Variants in ATG5 observed in about 807,000 individuals in gnomAD.
ATG5 encodes autophagy related 5.
A neutral mutation model predicts 36.5 loss-of-function variants in ATG5; 14 were observed. That is an observed-to-expected ratio of 0.38 (90% CI 0.25 to 0.60). The LOEUF (loss-of-function observed/expected upper bound fraction) is 0.60, where lower values mean the gene tolerates loss of function less well. ATG5 is among the 20% of genes least tolerant of loss of function. The pLI is 0.60. For synonymous variants in ATG5, 95 were observed against 101.5 expected (o/e 0.94, Z 0.38); for missense variants, 195 against 326.7 (o/e 0.60, Z 3.11).
Position 106,201,980 on chromosome 6 carries a change from T to A in ATG5, c.683A>T (p.Asp228Val), listed in dbSNP as rs1475785020. 2 of 1,607,064 alleles carry A rather than the reference T, an allele frequency of 1.2e-6. No individual in the cohort carries two copies. Among genetic ancestry groups the A allele is most frequent in the Non-Finnish European group, 1.7e-6 (2 of 1,174,604 alleles). ...GTTGCTGATTGTATTACCTTCAGGATCAATAGCAGAAGGACAAACTTCTTT... is the reference window on the plus strand; with the variant it reads ...GTTGCTGATTGTATTACCTTCAGGAACAATAGCAGAAGGACAAACTTCTTT... ...LLKEVCPSAI[D>V]PEDGEKKNQV... Residue 228 changes from aspartate (D) to valine (V), a missense_variant, in exon 7 of 8, where the codon GAT (aspartate) becomes GTT (valine). Physicochemically the swap from Asp to Val is radical, Grantham distance 152 (BLOSUM62 -3). Coordinates refer to ENST00000369076, the MANE Select transcript of ATG5 (RefSeq NM_004849.4).
intron 6 of ATG5, among the ~76,000 whole-genome samples, chr6:106,218,619 T>C (rs1777129826): frequency 7.3e-6 from 1 of 136,858 alleles, no homozygotes; most frequent in Admixed American, 7.1e-5. Context: ...TGTAGATCCT[T>C]TGAAAGCCAC....
In ATG5 at chr6:106,223,516, C is replaced by G. The variant is rs139515344; in HGVS notation, c.574-21427G>C. Among the ~76,000 whole-genome samples, 488 of 152,180 alleles carry G rather than the reference C, an allele frequency of 3.2e-3. 1 individual carries two copies. The highest frequency in any genetic ancestry group is 5.9e-3 in the Admixed American group (90 of 15,286). On this transcript the variant is annotated intron_variant, in intron 6 of 7. Coordinates refer to ENST00000369076, the MANE Select transcript of ATG5 (RefSeq NM_004849.4). ...TCAAAACTTGCTGTGTTGGGCTGCCCCCTACAGGACTCAATTTACCTATTT... is the reference window on the plus strand; with the variant it reads ...TCAAAACTTGCTGTGTTGGGCTGCCGCCTACAGGACTCAATTTACCTATTT...
intron 6 of ATG5, among the ~76,000 whole-genome samples, chr6:106,202,809 G>A (rs1180371894): frequency 1.3e-5 from 2 of 152,142 alleles, no homozygotes; most frequent in Admixed American, 1.3e-4. Context: ...CTACAGGAGT[G>A]CGCCACCATG....
intron 6 of ATG5, among the ~76,000 whole-genome samples, chr6:106,241,634 A>G (rs1362738904): frequency 6.6e-6 from 1 of 152,172 alleles, no homozygotes; most frequent in Non-Finnish European, 1.5e-5. Context: ...TGAGGTTAAC[A>G]TTTAAATTGG....
chr6:106,216,961 TA>T (rs59247747), intron 6 of ATG5, among the ~76,000 whole-genome samples: 22,886 of 147,008 alleles, frequency 0.16, 2,029 homozygotes, highest in Non-Finnish European at 0.2. Flanking sequence ...AAGCTGTTAT[TA>T]AAAAAAAAAA....
chr6:106,197,682 C>T (rs1270792839), intron 7 of ATG5, among the ~76,000 whole-genome samples: 1 of 152,124 alleles, frequency 6.6e-6, no homozygotes, highest in East Asian at 1.9e-4. Context: ...CACCATGTGA[C>T]CACCGCACAC....
chr6:106,258,312 G>T (rs898228349), intron 5 of ATG5, among the ~76,000 whole-genome samples: 2 of 151,984 alleles, frequency 1.3e-5, no homozygotes, highest in Non-Finnish European at 2.9e-5. Context: ...GGTCAAGGCT[G>T]CAGTGAGCCA....
intron 5 of ATG5, among the ~76,000 whole-genome samples, chr6:106,270,562 T>C (rs907296169): frequency 1.3e-5 from 2 of 152,252 alleles, no homozygotes; most frequent in African/African-American, 4.8e-5. Flanking sequence ...GAAGCTAAAA[T>C]TCCTATACTA....
intron 5 of ATG5, among the ~76,000 whole-genome samples, chr6:106,277,809 G>A (rs990764919): frequency 1.2e-4 from 18 of 151,952 alleles, no homozygotes; most frequent in African/African-American, 2.4e-4. Context: ...GTGAAACTTC[G>A]TCTCAACAAA....
At chr6:106,246,290 A>C (rs1438437338) in intron 6 of ATG5, among the ~76,000 whole-genome samples, 1 of 151,742 alleles carries the variant, frequency 6.6e-6, no homozygotes, top group Non-Finnish European at 1.5e-5. Flanking sequence ...AGGTTTTGTC[A>C]AGCAAATTTT....
rs187129104 is a variant in ATG5 at position 106,297,590 on chromosome 6, A to G, written c.237-4484T>C. ...GATGTTGACCATTTTAGATACCTTT[A>G]AAACTAGAAAAATATGAAATGAAAA... On this transcript the variant is annotated intron_variant, in intron 3 of 7. Coordinates refer to ENST00000369076, the MANE Select transcript of ATG5 (RefSeq NM_004849.4). Among the ~76,000 whole-genome samples the G allele has an allele frequency of 5.9e-5, 9 of 152,280 alleles. No individual in the cohort carries two copies. The East Asian group carries it at 1.7e-3, about 29-fold the overall frequency.
intron 3 of ATG5, among the ~76,000 whole-genome samples, chr6:106,299,629 T>G (rs1018019533): frequency 5.3e-5 from 8 of 152,276 alleles, no homozygotes; most frequent in African/African-American, 1.9e-4. Context: ...TATATTTTAA[T>G]ATTTCTTTGC....
intron 4 of ATG5, among the ~76,000 whole-genome samples, chr6:106,291,353 G>A (rs1780300790): frequency 6.6e-6 from 1 of 152,246 alleles, no homozygotes; most frequent in Non-Finnish European, 1.5e-5. Context: ...CTAGTACAGT[G>A]AGGTACAATG....
chr6:106,299,668 A>G (rs1770126597), intron 3 of ATG5, among the ~76,000 whole-genome samples: 1 of 151,988 alleles, frequency 6.6e-6, no homozygotes, highest in Non-Finnish European at 1.5e-5. Context: ...TACTCCATTT[A>G]TGTGTGTGTG....
chr6:106,268,983 A>C lies in ATG5; in HGVS notation c.478+10678T>G, dbSNP rs372895188. On this transcript the variant is annotated intron_variant, in intron 5 of 7. Coordinates refer to ENST00000369076, the MANE Select transcript of ATG5 (RefSeq NM_004849.4). ...GATAGGTGCAGCAAACCACCATGGC[A>C]CATGCATACCTATGTAACAAACCTG... Among the ~76,000 whole-genome samples, 18 of 152,364 alleles carry C rather than the reference A, an allele frequency of 1.2e-4. No homozygotes were observed. The East Asian group carries it at 2.7e-3, about 23-fold the overall frequency.
intron 6 of ATG5, among the ~76,000 whole-genome samples, chr6:106,246,062 A>G (rs1031375144): frequency 6.6e-6 from 1 of 152,218 alleles, no homozygotes; most frequent in African/African-American, 2.4e-5. Flanking sequence ...TAATTTTTAT[A>G]TTCATTTTCA....
intron 3 of ATG5, chr6:106,304,413 A>G (rs1770350171): frequency 6.6e-6 from 1 of 152,242 alleles, no homozygotes; most frequent in South Asian, 2.1e-4. Flanking sequence ...ATATAGTCCC[A>G]GAATGGAAAC....
intron 4 of ATG5, among the ~76,000 whole-genome samples, chr6:106,292,622 A>C (rs1437925038): frequency 6.6e-6 from 1 of 152,170 alleles, no homozygotes; most frequent in Non-Finnish European, 1.5e-5. Flanking sequence ...GCCGACTTTT[A>C]AAAATTAACA....
chr6:106,198,021 A>G (rs911189565), intron 7 of ATG5, among the ~76,000 whole-genome samples: 1 of 152,214 alleles, frequency 6.6e-6, no homozygotes, highest in Non-Finnish European at 1.5e-5. Flanking sequence ...TCTTCATTAC[A>G]CTTCAAATGA....
Sources: gnomAD v4.1 joint callset for allele counts (sites outside exome capture counted in the v4.1 genomes callset) on GRCh38, gnomAD v4.1.1 for gene constraint, MANE v1.5 for transcripts, NCBI Gene and HGNC (gene_info 2026-07-23, HGNC 2026-07-21) for gene names.